The following THEMIS variants were observed in gnomAD, a reference collection of about 807,000 sequenced individuals.
The protein encoded by THEMIS is protein THEMIS.
In THEMIS, 37 loss-of-function variants were observed where a neutral mutation model predicts 52.6. The observed-to-expected ratio is 0.70, with a 90% CI of 0.54 to 0.93. The LOEUF is 0.93. Ranked by LOEUF, THEMIS falls within the 40% of genes least tolerant of loss-of-function variation. The probability of loss-of-function intolerance (pLI) is 0.00; values close to 1 mark genes in which losing one functional copy is unlikely to be tolerated. For synonymous variants in THEMIS, 292 were observed against 272.7 expected (o/e 1.07, Z -0.70); for missense variants, 808 against 763.1 (o/e 1.06, Z -0.69).
chr6:127,902,861 C>T (rs1372804662), upstream of THEMIS, among the ~76,000 whole-genome samples: 2 of 152,002 alleles, frequency 1.3e-5, no homozygotes, highest in Non-Finnish European at 2.9e-5. Context: ...AGAACTGATG[C>T]CACAATACAT....
chr6:127,900,503 T>A (rs959849153), intron 1 of THEMIS, among the ~76,000 whole-genome samples: 7 of 152,048 alleles, frequency 4.6e-5, no homozygotes, highest in Non-Finnish European at 7.4e-5. Context: ...ATTTTTTATA[T>A]TGTGGAAACA....
At chr6:127,832,252 A>G (rs1778720294) in intron 2 of THEMIS, among the ~76,000 whole-genome samples, 1 of 152,192 alleles carries the variant, frequency 6.6e-6, no homozygotes, top group Non-Finnish European at 1.5e-5. Flanking sequence ...TAATCACACT[A>G]TTCAGAGCTG....
intron 1 of THEMIS, among the ~76,000 whole-genome samples, chr6:127,891,190 C>T (rs982598217): frequency 2.0e-5 from 3 of 152,074 alleles, no homozygotes; most frequent in African/African-American, 7.2e-5. Flanking sequence ...TGAATTCATC[C>T]TTTAGTCTTT....
chr6:127,903,807 T>C (rs1173159808), upstream of THEMIS, among the ~76,000 whole-genome samples: 1 of 151,706 alleles, frequency 6.6e-6, no homozygotes. Flanking sequence ...TTAGTCAATA[T>C]GCAAAATAAA....
upstream of THEMIS, among the ~76,000 whole-genome samples, chr6:127,905,511 C>T (rs561502421): frequency 6.6e-6 from 1 of 151,768 alleles, no homozygotes; most frequent in African/African-American, 2.4e-5. Context: ...GTTCTGCAGG[C>T]GAAAGTAAAA....
intron 1 of THEMIS, among the ~76,000 whole-genome samples, chr6:127,858,077 C>T (rs1009143094): frequency 2.0e-5 from 3 of 151,916 alleles, no homozygotes; most frequent in African/African-American, 7.2e-5. Flanking sequence ...ATCAAATTGG[C>T]TGAGTTGGAA....
At chr6:127,910,578 G>C (rs760331100) in intron 1 of THEMIS, among the ~76,000 whole-genome samples, 3 of 152,134 alleles carry the variant, frequency 2.0e-5, no homozygotes, top group Non-Finnish European at 4.4e-5. Flanking sequence ...ATAATTAGAT[G>C]ACTGTACATT....
downstream of THEMIS, among the ~76,000 whole-genome samples, chr6:127,706,451 T>TTGAGTTC (rs1773799747): frequency 6.6e-6 from 1 of 152,076 alleles, no homozygotes; most frequent in Non-Finnish European, 1.5e-5. Context: ...GCAGTCTGGC[T>TTGAGTTC]TGAGTTCTCA....
chr6:127,817,258 AT>A (rs1778167702), intron 3 of THEMIS, among the ~76,000 whole-genome samples: 1 of 152,222 alleles, frequency 6.6e-6, no homozygotes, highest in Non-Finnish European at 1.5e-5. Flanking sequence ...TGAATAAAAA[AT>A]AATTGCCAGA....
At chr6:127,856,515 G>A (rs996376402) in intron 1 of THEMIS, among the ~76,000 whole-genome samples, 1 of 151,950 alleles carries the variant, frequency 6.6e-6, no homozygotes, top group African/African-American at 2.4e-5. Flanking sequence ...GGACAAGCGA[G>A]CTACTAATGT....
intron 1 of THEMIS, among the ~76,000 whole-genome samples, chr6:127,866,670 A>C (rs942669313): frequency 8.6e-5 from 13 of 151,994 alleles, no homozygotes; most frequent in Admixed American, 8.5e-4. Flanking sequence ...TAATATTTAA[A>C]AATACTCAAT....
At chr6:127,853,241 C>T (rs758567025) in intron 2 of THEMIS, among the ~76,000 whole-genome samples, 9 of 151,448 alleles carry the variant, frequency 5.9e-5, no homozygotes, top group African/African-American at 1.7e-4. Context: ...GATTAAGGCA[C>T]GAAAAACTAT....
intron 2 of THEMIS, among the ~76,000 whole-genome samples, chr6:127,849,052 G>T (rs1418707350): frequency 2.6e-5 from 4 of 152,066 alleles, no homozygotes; most frequent in Non-Finnish European, 5.9e-5. Context: ...GGTTTTTATG[G>T]TTTTAGGTCT....
intron 4 of THEMIS, among the ~76,000 whole-genome samples, chr6:127,761,373 C>G (rs1017652085): frequency 2.6e-5 from 4 of 152,120 alleles, no homozygotes; most frequent in Non-Finnish European, 5.9e-5. Flanking sequence ...TCTAGCTAAT[C>G]ATCAAATAAA....
At chr6:127,869,134 G>A (rs1196650011) in intron 1 of THEMIS, among the ~76,000 whole-genome samples, 1 of 152,164 alleles carries the variant, frequency 6.6e-6, no homozygotes, top group East Asian at 1.9e-4. Context: ...ACTATTCAAT[G>A]AGTATTGATA....
rs1212131459 is a variant in THEMIS, at chr6:127,813,390, G to A, written c.1251C>T (p.Leu417=). The A allele has an allele frequency of 6.2e-7, 1 of 1,613,538 alleles. No homozygotes were observed. The highest frequency in any genetic ancestry group is 8.5e-7 in the Non-Finnish European group (1 of 1,179,808). The change falls in exon 4 of 6, where the codon CTC becomes CTT. Residue 417 remains leucine, a synonymous_variant. Coordinates refer to ENST00000368248, the MANE Select transcript of THEMIS (RefSeq NM_001010923.3). ...VVNVLACEKI[L]KKSYEAALLP... is the part of the protein sequence containing the mutation. ...GCAGCGCAGCCTCATAGGACTTTTT[G>A]AGGATTTTTTCACAGGCCAGAACAT...
intron 4 of THEMIS, among the ~76,000 whole-genome samples, chr6:127,750,475 T>C (rs1160959001): frequency 6.6e-6 from 1 of 151,864 alleles, no homozygotes; most frequent in Non-Finnish European, 1.5e-5. Flanking sequence ...ATAGGCACAG[T>C]TTAATCCATG....
intron 3 of THEMIS, among the ~76,000 whole-genome samples, chr6:127,823,434 C>T (rs1025804822): frequency 7.2e-5 from 11 of 152,000 alleles, no homozygotes; most frequent in African/African-American, 2.7e-4. Context: ...AGTGAGAAAA[C>T]CCCCTTGTTA....
downstream of THEMIS, among the ~76,000 whole-genome samples, chr6:127,707,772 CATT>C: frequency 6.6e-6 from 1 of 152,208 alleles, no homozygotes; most frequent in East Asian, 1.9e-4. Context: ...CTAAAAGTCT[CATT>C]ATATGTTGAC....
Sources: gnomAD v4.1 joint callset for allele counts (sites outside exome capture counted in the v4.1 genomes callset) on GRCh38, gnomAD v4.1.1 for gene constraint, MANE v1.5 for transcripts, NCBI Gene and HGNC (gene_info 2026-07-23, HGNC 2026-07-21) for gene names.